CUX1: variants seen among roughly 807,000 people sequenced by gnomAD.
CUX1 encodes cut like homeobox 1.
CUX1 carries 31 observed loss-of-function variants against 158.8 expected under a neutral mutation model. That is an observed-to-expected ratio of 0.20 (90% CI 0.15 to 0.26). The LOEUF (loss-of-function observed/expected upper bound fraction) is 0.26. CUX1 is among the 10% of genes least tolerant of loss of function. The pLI is 1.00. For synonymous variants in CUX1, 879 were observed against 862.1 expected (o/e 1.02, Z -0.34); for missense variants, 1,589 against 2,014.6 (o/e 0.79, Z 4.04).
chr7:102,110,203 A>G (rs1248814979), intron 6 of CUX1, among the ~76,000 whole-genome samples: 1 of 152,194 alleles, frequency 6.6e-6, no homozygotes, highest in Non-Finnish European at 1.5e-5. Context: ...TCATTATTAC[A>G]CTATAGTATC....
intron 2 of CUX1, among the ~76,000 whole-genome samples, chr7:101,996,834 C>A (rs935927221): frequency 6.6e-6 from 1 of 152,030 alleles, no homozygotes; most frequent in Admixed American, 6.5e-5. Context: ...TCTTGCTCCT[C>A]TGCCGCATAC....
chr7:102,238,879 CTTTTGTTTTG>C (rs782088297), intron 22 of CUX1, among the ~76,000 whole-genome samples: 41 of 152,018 alleles, frequency 2.7e-4, no homozygotes, highest in Non-Finnish European at 3.7e-4. Context: ...AGCGTTGTTT[CTTTTGTTTTG>C]TTTTGTTTTG....
At position 102,275,253 on chromosome 7, in the gene CUX1, C is replaced by T. The variant is rs782238034; in HGVS notation, c.1457C>T (p.Ala486Val). 6 of 1,607,890 alleles carry T rather than the reference C, an allele frequency of 3.7e-6. No individual in the cohort carries two copies. The East Asian group carries it at 6.8e-5, about 18-fold the overall frequency. The change falls in exon 17 of 23, where the codon GCA becomes GTA. Residue 486 changes from alanine to valine, a missense_variant. Physicochemically the swap from Ala to Val is moderately conservative, Grantham distance 64. Transcript: ENST00000292538. ...ACCCTCCTCTACCTGCTAGGACCTG[C>T]AGCACCAGCCAGCGGTGCCCTCCCA...
intron 2 of CUX1, among the ~76,000 whole-genome samples, chr7:101,978,869 C>T (rs1166782771): frequency 6.6e-6 from 1 of 152,198 alleles, no homozygotes; most frequent in Non-Finnish European, 1.5e-5. Flanking sequence ...GAATGCCATT[C>T]CCATGAGAGC....
At chr7:102,261,956 A>G (rs1554543966), downstream of CUX1, among the ~76,000 whole-genome samples, 1 of 152,162 alleles carries the variant, frequency 6.6e-6, no homozygotes, top group African/African-American at 2.4e-5. Context: ...CATCTCTACG[A>G]AAATGTTTAA....
At chr7:102,021,810 T>C (rs1452410232) in intron 2 of CUX1, among the ~76,000 whole-genome samples, 1 of 151,986 alleles carries the variant, frequency 6.6e-6, no homozygotes, top group Non-Finnish European at 1.5e-5. Context: ...ATCTGCCCGC[T>C]TCAGCCTCTC....
intron 2 of CUX1, among the ~76,000 whole-genome samples, chr7:101,933,829 T>A (rs1806574507): frequency 6.6e-6 from 1 of 152,220 alleles, no homozygotes; most frequent in Non-Finnish European, 1.5e-5. Flanking sequence ...CATTTAAAAA[T>A]AGCCATTCTG....
At chr7:102,110,363 A>G (rs1384157806) in intron 6 of CUX1, among the ~76,000 whole-genome samples, 1 of 145,440 alleles carries the variant, frequency 6.9e-6, no homozygotes, top group African/African-American at 2.6e-5. Flanking sequence ...GCCGTAGTAT[A>G]TTACATTAGT....
intron 22 of CUX1, 31 bp from the exon 23 acceptor site, chr7:102,239,289 T>A (rs1563469719): frequency 6.3e-7 from 1 of 1,583,164 alleles, no homozygotes; most frequent in African/African-American, 1.3e-5. Context: ...CAGCTGGGCC[T>A]GACCTTAGTC....
At chr7:102,046,112 G>A (rs1158261043) in intron 3 of CUX1, among the ~76,000 whole-genome samples, 1 of 152,238 alleles carries the variant, frequency 6.6e-6, no homozygotes, top group African/African-American at 2.4e-5. Context: ...CTCAAAACCT[G>A]AGGCTGAAGA....
At chr7:102,042,773 G>C (rs898357714) in intron 3 of CUX1, among the ~76,000 whole-genome samples, 1 of 151,910 alleles carries the variant, frequency 6.6e-6, no homozygotes, top group Non-Finnish European at 1.5e-5. Flanking sequence ...TATATTTATA[G>C]TGTATAATGT....
exon 23 of CUX1, chr7:102,283,410 G>A (rs1208521881): frequency 5.3e-6 from 2 of 374,976 alleles, no homozygotes; most frequent in Non-Finnish European, 1.0e-5. Flanking sequence ...TCAGCTGCGA[G>A]GCTAATTGGG....
At chr7:102,164,612 G>A (rs1326893379) in intron 9 of CUX1, among the ~76,000 whole-genome samples, 3 of 152,186 alleles carry the variant, frequency 2.0e-5, no homozygotes, top group Admixed American at 1.3e-4. Flanking sequence ...TGGAGGCCTT[G>A]GCCACTGGTG....
At chr7:102,264,086 A>C (rs1554544589) in intron 14 of CUX1, among the ~76,000 whole-genome samples, 1 of 144,578 alleles carries the variant, frequency 6.9e-6, no homozygotes, top group Non-Finnish European at 1.5e-5. Context: ...GCTCACTGCA[A>C]CCTCCGCCTC....
intron 20 of CUX1, among the ~76,000 whole-genome samples, chr7:102,211,403 A>G (rs982683049): frequency 3.3e-5 from 5 of 152,124 alleles, no homozygotes; most frequent in Non-Finnish European, 7.4e-5. Context: ...CAATGATAGC[A>G]TCACTGCACT....
intron 2 of CUX1, among the ~76,000 whole-genome samples, chr7:101,918,992 T>G (rs1164974386): frequency 6.6e-6 from 1 of 152,234 alleles, no homozygotes. Flanking sequence ...TTGGCCAGGC[T>G]GGTCTCGAAC....
At chr7:102,273,440 C>A in exon 15 of CUX1, 1 of 1,613,296 alleles carries the variant, frequency 6.2e-7, no homozygotes, top group Non-Finnish European at 8.5e-7. Flanking sequence ...GCTGATCGCC[C>A]GCCTGGAGCA....
intron 1 of CUX1, among the ~76,000 whole-genome samples, chr7:101,833,866 C>T (rs920287761): frequency 1.3e-5 from 2 of 152,034 alleles, no homozygotes; most frequent in African/African-American, 2.4e-5. Flanking sequence ...TGCAATTTTC[C>T]CCCCCAAATC....
chr7:101,958,137 G>A lies in CUX1; in HGVS notation c.141+41912G>A, dbSNP rs970100747. 6.6e-5 allele frequency among the ~76,000 whole-genome samples: 10 copies of A among 152,292 alleles called. No homozygotes were observed. In the East Asian group the frequency reaches 1.2e-3, roughly 18 times the overall value. On this transcript the variant is annotated intron_variant, in intron 2 of 23. Coordinates refer to ENST00000292535, the MANE Select transcript of CUX1 (RefSeq NM_181552.4). Reference sequence around the variant, plus strand: ...GCCACCGTGCCATGTGCCAGACTCCGTGTGAAGTGTGCAGAGTGCTAGGTG... The same window carrying A: ...GCCACCGTGCCATGTGCCAGACTCCATGTGAAGTGTGCAGAGTGCTAGGTG...
Sources: gnomAD v4.1 joint callset for allele counts (sites outside exome capture counted in the v4.1 genomes callset) on GRCh38, gnomAD v4.1.1 for gene constraint, MANE v1.5 for transcripts, NCBI Gene and HGNC (gene_info 2026-07-23, HGNC 2026-07-21) for gene names.